The following SLC16A7 variants were observed in gnomAD, a reference collection of about 807,000 sequenced individuals.
SLC16A7 encodes solute carrier family 16 member 7.
In SLC16A7, 33 loss-of-function variants were observed where a neutral mutation model predicts 34.9. The observed-to-expected ratio is 0.94, with a 90% CI of 0.72 to 1.26. The LOEUF is 1.26. Ranked by LOEUF, SLC16A7 falls within the 50% of genes most tolerant of loss-of-function variation. The probability of loss-of-function intolerance (pLI) is 0.00; values close to 1 mark genes in which losing one functional copy is unlikely to be tolerated. For missense variants in SLC16A7, 573 were observed against 578.1 expected (o/e 0.99, Z 0.09); for synonymous variants, 201 against 206.6 (o/e 0.97, Z 0.23).
intron 3 of SLC16A7, among the ~76,000 whole-genome samples, chr12:59,735,113 G>T (rs1019396099): frequency 6.6e-6 from 1 of 152,102 alleles, no homozygotes; most frequent in Admixed American, 6.6e-5. Flanking sequence ...GGTGCTGAAC[G>T]GCTAAGGTAT....
intron 1 of SLC16A7, among the ~76,000 whole-genome samples, chr12:59,644,644 A>G (rs1880830746): frequency 6.6e-6 from 1 of 152,184 alleles, no homozygotes; most frequent in Non-Finnish European, 1.5e-5. Context: ...ATATAATATC[A>G]TAAATAACTG....
chr12:59,656,875 C>T (rs1037435570), intron 2 of SLC16A7, among the ~76,000 whole-genome samples: 3 of 151,904 alleles, frequency 2.0e-5, no homozygotes, highest in African/African-American at 7.2e-5. Flanking sequence ...CCTGCCTGTT[C>T]TTATTAAGAG....
chr12:59,751,419 T>A (rs2464685), intron 3 of SLC16A7, among the ~76,000 whole-genome samples: 1 of 152,108 alleles, frequency 6.6e-6, no homozygotes, highest in Non-Finnish European at 1.5e-5. Context: ...GCTTTTCCGA[T>A]GAGCTTAAAA....
intron 3 of SLC16A7, chr12:59,720,062 C>G: frequency 1.4e-6 from 1 of 699,010 alleles, no homozygotes; most frequent in Middle Eastern, 2.3e-4. Flanking sequence ...CTATACCTTT[C>G]TTTTCTAATT....
chr12:59,694,316 A>G (rs1395865247), intron 2 of SLC16A7, among the ~76,000 whole-genome samples: 1 of 151,952 alleles, frequency 6.6e-6, no homozygotes, highest in African/African-American at 2.4e-5. Flanking sequence ...GTAGTCAGAC[A>G]CACAAACTCT....
intron 3 of SLC16A7, among the ~76,000 whole-genome samples, chr12:59,714,916 A>AT (rs1874723618): frequency 6.6e-6 from 1 of 152,056 alleles, no homozygotes; most frequent in South Asian, 2.1e-4. Flanking sequence ...GCCCAACTTA[A>AT]TATTTCTTAT....
At chr12:59,768,821 G>A (rs907118678) in intron 3 of SLC16A7, among the ~76,000 whole-genome samples, 2 of 151,830 alleles carry the variant, frequency 1.3e-5, no homozygotes, top group East Asian at 3.9e-4. Flanking sequence ...ACATAGCAAG[G>A]CCCCGTCTCT....
intron 1 of SLC16A7, among the ~76,000 whole-genome samples, chr12:59,627,010 C>T (rs985985105): frequency 2.0e-5 from 3 of 151,814 alleles, no homozygotes; most frequent in East Asian, 3.9e-4. Flanking sequence ...TAAAAGTACT[C>T]GACCTTTAAA....
chr12:59,772,590 TACTTTG>T (rs1019253298), intron 4 of SLC16A7, among the ~76,000 whole-genome samples: 15 of 152,254 alleles, frequency 9.9e-5, no homozygotes, highest in Non-Finnish European at 1.8e-4. Context: ...TATCAGCAAA[TACTTTG>T]ACTTTGGTTT....
At chr12:59,627,926 GT>G (rs1880001028) in intron 1 of SLC16A7, among the ~76,000 whole-genome samples, 1 of 150,566 alleles carries the variant, frequency 6.6e-6, no homozygotes, top group Non-Finnish European at 1.5e-5. Context: ...CAGTGTACCA[GT>G]TTTACAAACT....
At chr12:59,677,356 AAATGTTTATTAAC>A (rs1870395181) in intron 2 of SLC16A7, among the ~76,000 whole-genome samples, 1 of 152,224 alleles carries the variant, frequency 6.6e-6, no homozygotes, top group South Asian at 2.1e-4. Flanking sequence ...CCTTGCATGC[AAATGTTTATTAAC>A]AAAGCTAGTG....
intron 3 of SLC16A7, among the ~76,000 whole-genome samples, chr12:59,740,234 A>T (rs913165316): frequency 2.0e-5 from 3 of 151,820 alleles, no homozygotes; most frequent in Admixed American, 1.3e-4. Flanking sequence ...AGGTGTAAGG[A>T]AGGGATCCAG....
chr12:59,673,562 A>G (rs896593391), intron 2 of SLC16A7, among the ~76,000 whole-genome samples: 5 of 151,746 alleles, frequency 3.3e-5, no homozygotes, highest in African/African-American at 1.2e-4. Context: ...CTTAATTAGT[A>G]TATTTTCTTC....
At chr12:59,742,153 G>T (rs1027958175) in intron 3 of SLC16A7, among the ~76,000 whole-genome samples, 6 of 152,132 alleles carry the variant, frequency 3.9e-5, no homozygotes, top group Non-Finnish European at 8.8e-5. Context: ...TGAGCAGTCT[G>T]TTTAGGAAGT....
chr12:59,651,670 G>T (rs1448505197), intron 1 of SLC16A7, among the ~76,000 whole-genome samples: 1 of 152,102 alleles, frequency 6.6e-6, no homozygotes, highest in African/African-American at 2.4e-5. Flanking sequence ...CAAAAGAAAT[G>T]TTACTCTTCA....
intron 3 of SLC16A7, among the ~76,000 whole-genome samples, chr12:59,717,883 T>G (rs555464665): frequency 8.5e-5 from 13 of 152,194 alleles, no homozygotes; most frequent in Non-Finnish European, 1.9e-4. Flanking sequence ...TATTTAGATT[T>G]TTTTTCTACC....
In SLC16A7 at chr12:59,633,540, A is replaced by G. The variant is rs141901371; in HGVS notation, c.-129-21612A>G. Reference sequence around the variant, plus strand: ...TTTGCCACACTTACTACAAAAGTTGATAAATAATAATAATGACAAATTAAA... The same window carrying G: ...TTTGCCACACTTACTACAAAAGTTGGTAAATAATAATAATGACAAATTAAA... On this transcript the variant is annotated intron_variant, in intron 1 of 5. Coordinates refer to ENST00000547379, the MANE Select transcript of SLC16A7 (RefSeq NM_001270623.2). Among the ~76,000 whole-genome samples the G allele has an allele frequency of 3.7e-3, 568 of 152,112 alleles. 7 individuals carry two copies. The highest frequency in any genetic ancestry group is 0.017 in the Middle Eastern group (5 of 294).
chr12:59,636,049 G>A (rs1437100006), intron 1 of SLC16A7, among the ~76,000 whole-genome samples: 1 of 146,576 alleles, frequency 6.8e-6, no homozygotes, highest in Non-Finnish European at 1.5e-5. Context: ...TGTGAATTTT[G>A]TTTTCCTTAC....
chr12:59,695,782 G>A (rs569011054), intron 2 of SLC16A7, among the ~76,000 whole-genome samples: 8 of 151,972 alleles, frequency 5.3e-5, no homozygotes, highest in African/African-American at 1.9e-4. Context: ...CAAACTCTTA[G>A]GTACTAAATT....
Sources: gnomAD v4.1 joint callset for allele counts (sites outside exome capture counted in the v4.1 genomes callset) on GRCh38, gnomAD v4.1.1 for gene constraint, MANE v1.5 for transcripts, NCBI Gene and HGNC (gene_info 2026-07-23, HGNC 2026-07-21) for gene names.